The following RALGAPB variants were observed in gnomAD, a reference collection of about 807,000 sequenced individuals.
RALGAPB encodes the protein ral GTPase-activating protein subunit beta.
A neutral mutation model predicts 161.1 loss-of-function variants in RALGAPB; 25 were observed. The ratio of observed to expected loss-of-function variants is 0.16; its 90% CI spans 0.11 to 0.22. The LOEUF (loss-of-function observed/expected upper bound fraction) is 0.22. Among genes scored for constraint, RALGAPB ranks in the 10% least tolerant of loss-of-function variants. The pLI, the probability that RALGAPB is intolerant of heterozygous loss-of-function variation, is 1.00. For synonymous variants in RALGAPB, 629 were observed against 626.1 expected (o/e 1.00, Z -0.07); for missense variants, 1,391 against 1,815.2 (o/e 0.77, Z 4.25).
At chr20:38,499,094 G>A (rs537143546) in intron 4 of RALGAPB, among the ~76,000 whole-genome samples, 64 of 152,176 alleles carry the variant, frequency 4.2e-4, no homozygotes, top group Non-Finnish European at 7.5e-4. Context: ...TCATTTGTAT[G>A]AACTATTTGG....
intron 11 of RALGAPB, 125 bp downstream of exon 11, chr20:38,525,070 A>G (rs1389736766): frequency 3.1e-6 from 3 of 953,386 alleles, no homozygotes; most frequent in Middle Eastern, 2.2e-4. Context: ...CTCAGGCGAC[A>G]TTAAATGAGT....
chr20:38,516,408 T>A, intron 7 of RALGAPB, 38 bp downstream of exon 7: 1 of 1,566,110 alleles, frequency 6.4e-7, no homozygotes, highest in Non-Finnish European at 8.7e-7. Context: ...ATGAAGAGCT[T>A]CATTTAGATA....
At chr20:38,551,576 G>C (rs2087378989) in intron 21 of RALGAPB, among the ~76,000 whole-genome samples, 1 of 152,138 alleles carries the variant, frequency 6.6e-6, no homozygotes, top group Non-Finnish European at 1.5e-5. Flanking sequence ...TCACTCATAT[G>C]GAATTTTAAT....
intron 1 of RALGAPB, among the ~76,000 whole-genome samples, chr20:38,478,843 C>T (rs151244246): frequency 0.017 from 2,556 of 152,098 alleles, 87 homozygotes; most frequent in African/African-American, 0.058. Flanking sequence ...CTCGAACTCC[C>T]GACCTCAGGT....
Position 38,546,610 on chromosome 20 carries a change from C to T in RALGAPB, c.2902+180C>T, listed in dbSNP as rs1403318845. On this transcript the variant is annotated intron_variant, in intron 19 of 29. Transcript: ENST00000262879. Reference sequence around the variant, plus strand: ...GCAAAAAAATAGAATATACATATTACATAGAGTCTTTTAAAGGCTCTTGAT... The same window carrying T: ...GCAAAAAAATAGAATATACATATTATATAGAGTCTTTTAAAGGCTCTTGAT... 1.8e-5 allele frequency: 13 copies of T among 714,750 alleles called. No individual in the cohort carries two copies. The Admixed American group carries it at 3.8e-4, about 21-fold the overall frequency. The allele number at this position is 714,750 out of a possible 1,614,324, so 44.3% of individuals were successfully genotyped here.
In RALGAPB at chr20:38,557,887, A is replaced by G. The variant is rs149053514; in HGVS notation, c.3373-408A>G. Among the ~76,000 whole-genome samples the G allele has an allele frequency of 8.7e-4, 133 of 152,318 alleles. 1 individual carries two copies. In the East Asian group the frequency reaches 0.022, roughly 26 times the overall value. On this transcript the variant is annotated intron_variant, in intron 22 of 29. Transcript: ENST00000262879. The stretch of plus-strand genomic sequence containing the variant: ...TGTGGATGTTTGTGGGAAAATACCA[A>G]GGTGTGCAGTTGCTGCATTGCATGG...
chr20:38,517,933 G>T lies in RALGAPB; in HGVS notation c.1350G>T (p.Trp450Cys). ...VNSILNLFGS[W>C]LFDAAFVHCK... ...GCATCTTGAATCTCTTTGGATCATG[G>T]TTATTTGATGCAGCATTTGTTCACT... The change falls in exon 9 of 30, where the codon TGG becomes TGT. Residue 450 changes from tryptophan to cysteine, a missense_variant. Physicochemically the swap from Trp to Cys is radical, Grantham distance 215 (BLOSUM62 -2). Coordinates refer to ENST00000262879, the MANE Select transcript of RALGAPB (RefSeq NM_020336.4). 6.2e-7 allele frequency: 1 copy of T among 1,614,076 alleles called. No homozygotes were observed. Among genetic ancestry groups the T allele is most frequent in the Non-Finnish European group, 8.5e-7 (1 of 1,179,936 alleles).
intron 1 of RALGAPB, among the ~76,000 whole-genome samples, chr20:38,481,248 T>C (rs963811501): frequency 9.9e-5 from 15 of 152,236 alleles, no homozygotes; most frequent in Admixed American, 8.5e-4. Flanking sequence ...TTTAAAAATA[T>C]CACATTCAAC....
intron 5 of RALGAPB, among the ~76,000 whole-genome samples, chr20:38,501,703 C>T (rs6070382): frequency 0.039 from 5,881 of 152,106 alleles, 181 homozygotes; most frequent in African/African-American, 0.09. Context: ...CTGTGCCCAG[C>T]GTGACTTTCA....
intron 6 of RALGAPB, 99 bp downstream of exon 6, chr20:38,509,307 C>G: frequency 7.7e-7 from 1 of 1,296,880 alleles, no homozygotes; most frequent in South Asian, 1.3e-5. Context: ...AAGGTGGACA[C>G]TAAGCCCCAT....
At chr20:38,520,283 G>C in intron 9 of RALGAPB, 1 of 873,570 alleles carries the variant, frequency 1.1e-6, no homozygotes, top group Non-Finnish European at 1.4e-6. Flanking sequence ...CTTGTAAGTA[G>C]GAACCAGAAG....
intron 20 of RALGAPB, among the ~76,000 whole-genome samples, chr20:38,550,283 T>TA (rs2087331250): frequency 6.6e-6 from 1 of 152,118 alleles, no homozygotes; most frequent in Non-Finnish European, 1.5e-5. Context: ...ACCCTAAAAC[T>TA]TAAAGTATCA....
intron 16 of RALGAPB, among the ~76,000 whole-genome samples, chr20:38,537,437 T>G (rs1010392591): frequency 2.0e-5 from 3 of 152,140 alleles, no homozygotes; most frequent in African/African-American, 7.2e-5. Flanking sequence ...GGCAACATAG[T>G]GAGACTTTGT....
intron 1 of RALGAPB, among the ~76,000 whole-genome samples, chr20:38,480,084 C>T (rs995859162): frequency 4.0e-5 from 6 of 151,768 alleles, no homozygotes; most frequent in African/African-American, 7.3e-5. Flanking sequence ...TGGGTTCAAA[C>T]GATTATCATG....
Position 38,495,688 on chromosome 20 carries a change from T to G in RALGAPB, c.390-1665T>G, listed in dbSNP as rs967600526. On this transcript the variant is annotated intron_variant, in intron 3 of 29. Coordinates refer to ENST00000262879, the MANE Select transcript of RALGAPB (RefSeq NM_020336.4). ...TTTCTGAAAATCACAAGTTACATTT[T>G]AAAAAGTAACTTGATATTTTTGAAA... is the stretch of plus-strand genomic sequence containing the variant. 2.0e-5 allele frequency among the ~76,000 whole-genome samples: 3 copies of G among 152,204 alleles called. No homozygotes were observed. In the South Asian group the frequency reaches 6.2e-4, roughly 32 times the overall value.
At chr20:38,473,618 C>T (rs981404529) in intron 1 of RALGAPB, among the ~76,000 whole-genome samples, 1 of 152,186 alleles carries the variant, frequency 6.6e-6, no homozygotes, top group Non-Finnish European at 1.5e-5. Flanking sequence ...GACGAGGCAA[C>T]TGAGTCCCTG....
intron 5 of RALGAPB, 110 bp from the exon 6 acceptor site, chr20:38,508,967 C>G: frequency 8.3e-7 from 1 of 1,202,542 alleles, no homozygotes; most frequent in South Asian, 1.5e-5. Context: ...GTCTTGTTCA[C>G]GTATGTGAGG....
At chr20:38,532,963 T>G in intron 15 of RALGAPB, 104 bp downstream of exon 15, 1 of 1,275,592 alleles carries the variant, frequency 7.8e-7, no homozygotes. Context: ...GTTTTTTATA[T>G]ACTTAAGTAT....
intron 9 of RALGAPB, among the ~76,000 whole-genome samples, chr20:38,518,795 G>T (rs2086207152): frequency 6.6e-6 from 1 of 152,134 alleles, no homozygotes; most frequent in Non-Finnish European, 1.5e-5. Context: ...ATTAATGAGT[G>T]TATTGATTGT....
Sources: allele counts gnomAD v4.1 joint callset (sites outside exome capture counted in the v4.1 genomes callset), GRCh38; gene constraint gnomAD v4.1.1; transcripts MANE v1.5; gene names NCBI Gene and HGNC (gene_info 2026-07-23, HGNC 2026-07-21).